The following SMARCC1 variants were observed in gnomAD, a reference collection of about 807,000 sequenced individuals.
SMARCC1 encodes SWI/SNF complex subunit SMARCC1.
Under a neutral mutation model 147.4 loss-of-function variants are expected in SMARCC1, and 43 were observed. The ratio of observed to expected loss-of-function variants is 0.29; its 90% CI spans 0.23 to 0.38. The LOEUF (loss-of-function observed/expected upper bound fraction) is 0.38, where lower values mean the gene tolerates loss of function less well. Among genes scored for constraint, SMARCC1 ranks in the 10% least tolerant of loss-of-function variants. SMARCC1 has a pLI of 1.00. For missense variants in SMARCC1, 1,119 were observed against 1,381.1 expected (o/e 0.81, Z 3.01); for synonymous variants, 495 against 484.4 (o/e 1.02, Z -0.29).
At chr3:47,754,235 G>A (rs1041025737) in intron 2 of SMARCC1, among the ~76,000 whole-genome samples, 2 of 147,486 alleles carry the variant, frequency 1.4e-5, no homozygotes, top group African/African-American at 5.0e-5. Flanking sequence ...ACTGAGTCTC[G>A]CTCTGTCGCC....
rs958041733 is a variant in SMARCC1, at chr3:47,781,803, C to T, written c.-6G>A. 3.5e-6 allele frequency: 5 copies of T among 1,425,304 alleles called. No homozygotes were observed. The highest frequency in any genetic ancestry group is 3.3e-5 in the Admixed American group (1 of 30,696). The allele number at this position is 1,425,304 out of a possible 1,614,324, so 88.3% of individuals were successfully genotyped here. A position where few individuals can be genotyped will look rare whatever the true frequency, so the allele number is the denominator to read the frequency against. On this transcript the variant is annotated 5_prime_UTR_variant, in exon 1 of 28. Coordinates refer to ENST00000254480, the MANE Select transcript of SMARCC1 (RefSeq NM_003074.4). Reference sequence around the variant, plus strand: ...CCGCCCGCCGCTGCGGCCATCGTCGCAGCCCGTCGTCCCCACAGCCTGGCC... The same window carrying T: ...CCGCCCGCCGCTGCGGCCATCGTCGTAGCCCGTCGTCCCCACAGCCTGGCC...
chr3:47,635,701 G>C (rs968962809), intron 23 of SMARCC1, among the ~76,000 whole-genome samples: 1 of 152,228 alleles, frequency 6.6e-6, no homozygotes, highest in African/African-American at 2.4e-5. Flanking sequence ...ATCAGAAGCT[G>C]AGAACAGACT....
chr3:47,615,776 T>G (rs1361249986), intron 25 of SMARCC1, among the ~76,000 whole-genome samples: 1 of 152,200 alleles, frequency 6.6e-6, no homozygotes, highest in East Asian at 1.9e-4. Flanking sequence ...CTCTGCCTCC[T>G]GGGTTCAAGT....
chr3:47,615,809 G>A (rs1233845125), intron 25 of SMARCC1, among the ~76,000 whole-genome samples: 2 of 152,042 alleles, frequency 1.3e-5, no homozygotes, highest in East Asian at 3.9e-4. Context: ...TCAGCCTCCT[G>A]AATAGCTGGA....
intron 13 of SMARCC1, among the ~76,000 whole-genome samples, chr3:47,687,511 C>A (rs1351438590): frequency 7.9e-5 from 12 of 152,114 alleles, no homozygotes; most frequent in Admixed American, 3.3e-4. Context: ...TACCTCTAAT[C>A]CTTTTAAGAT....
At chr3:47,623,374 A>ACGTT (rs1304602226) in intron 24 of SMARCC1, among the ~76,000 whole-genome samples, 1 of 152,022 alleles carries the variant, frequency 6.6e-6, no homozygotes, top group East Asian at 1.9e-4. Flanking sequence ...TTCCCAGAGA[A>ACGTT]CCTAGGAGCA....
chr3:47,643,259 G>A (rs1372600415), intron 21 of SMARCC1, among the ~76,000 whole-genome samples: 1 of 152,184 alleles, frequency 6.6e-6, no homozygotes, highest in Non-Finnish European at 1.5e-5. Context: ...ATCTTGGCGT[G>A]TCGGCTGGTC....
At chr3:47,598,848 A>T (rs1460802319) in intron 26 of SMARCC1, among the ~76,000 whole-genome samples, 1 of 134,698 alleles carries the variant, frequency 7.4e-6, no homozygotes, top group South Asian at 2.4e-4. Context: ...AAAAAAAAAA[A>T]AAAGAGAGAG....
intron 24 of SMARCC1, among the ~76,000 whole-genome samples, chr3:47,629,936 C>T (rs2032864733): frequency 6.6e-6 from 1 of 151,860 alleles, no homozygotes; most frequent in Admixed American, 6.6e-5. Flanking sequence ...TGCTGATGCT[C>T]AGATTACAGA....
rs867477817 is a variant in SMARCC1 at position 47,781,853 on chromosome 3, C to A, written c.-56G>T. The A allele has an allele frequency of 1.9e-5, 23 of 1,190,326 alleles. No homozygotes were observed. The highest frequency in any genetic ancestry group is 2.8e-4 in the Middle Eastern group (1 of 3,514). The allele number at this position is 1,190,326 out of a possible 1,614,324, so 73.7% of individuals were successfully genotyped here. A position where few individuals can be genotyped will look rare whatever the true frequency, so the allele number is the denominator to read the frequency against. ...CCACCCCGGCCCTCGCGGTGTTTCC[C>A]GGTCGTTCCCGCGCGCACCCCCGCG... is the stretch of plus-strand genomic sequence containing the variant. On this transcript the variant is annotated 5_prime_UTR_variant, in exon 1 of 28. Transcript: ENST00000254480.
chr3:47,715,840 ACT>A (rs1576420102), intron 7 of SMARCC1, among the ~76,000 whole-genome samples: 2 of 151,706 alleles, frequency 1.3e-5, no homozygotes, highest in South Asian at 2.1e-4. Flanking sequence ...GCCTGCATAC[ACT>A]CTACACAGAT....
intron 2 of SMARCC1, among the ~76,000 whole-genome samples, chr3:47,749,755 A>AGAGC (rs1369032598): frequency 2.2e-5 from 3 of 136,044 alleles, no homozygotes; most frequent in Non-Finnish European, 4.9e-5. Flanking sequence ...AGAGAGAGAG[A>AGAGC]GAGAGAGAGA....
At chr3:47,632,595 T>C (rs2032907729) in intron 24 of SMARCC1, among the ~76,000 whole-genome samples, 1 of 152,068 alleles carries the variant, frequency 6.6e-6, no homozygotes, top group Admixed American at 6.6e-5. Flanking sequence ...GCAAATCTCT[T>C]GAGCCCAAGA....
intron 11 of SMARCC1, among the ~76,000 whole-genome samples, chr3:47,698,986 G>A (rs1362578348): frequency 6.6e-6 from 1 of 152,076 alleles, no homozygotes; most frequent in Non-Finnish European, 1.5e-5. Context: ...CCTATGTGGG[G>A]AATAAAATTA....
At chr3:47,655,250 T>C (rs994530789) in intron 21 of SMARCC1, among the ~76,000 whole-genome samples, 3 of 152,110 alleles carry the variant, frequency 2.0e-5, no homozygotes, top group Admixed American at 6.5e-5. Context: ...AAAAAGACAA[T>C]AGCCAGCAAT....
At chr3:47,593,427 C>T (rs914880196) in intron 26 of SMARCC1, among the ~76,000 whole-genome samples, 5 of 152,108 alleles carry the variant, frequency 3.3e-5, no homozygotes, top group Admixed American at 1.3e-4. Context: ...CCGCCTCGGC[C>T]GCCCAAAGTG....
At chr3:47,635,462 TTTC>T (rs1454942254) in intron 23 of SMARCC1, 118 bp from the exon 24 acceptor site, 1 of 889,796 alleles carries the variant, frequency 1.1e-6, no homozygotes, top group East Asian at 2.5e-5. Context: ...TCAATGCCTT[TTTC>T]TTCTTTTTAA....
intron 19 of SMARCC1, among the ~76,000 whole-genome samples, chr3:47,663,029 T>G (rs1489836632): frequency 6.8e-6 from 1 of 147,182 alleles, no homozygotes. Flanking sequence ...TGAGCCGAGA[T>G]TGTGCCACTG....
intron 7 of SMARCC1, among the ~76,000 whole-genome samples, chr3:47,715,221 C>T (rs1006259856): frequency 6.6e-6 from 1 of 152,154 alleles, no homozygotes; most frequent in African/African-American, 2.4e-5. Context: ...CAGCACTCTC[C>T]CATGTATTCT....
Sources: allele counts gnomAD v4.1 joint callset (sites outside exome capture counted in the v4.1 genomes callset), GRCh38; gene constraint gnomAD v4.1.1; transcripts MANE v1.5; gene names NCBI Gene and HGNC (gene_info 2026-07-23, HGNC 2026-07-21).